The following PKP4 variants were observed in gnomAD, a reference collection of about 807,000 sequenced individuals.
PKP4 encodes plakophilin-4.
Under a neutral mutation model 145.1 loss-of-function variants are expected in PKP4, and 90 were observed. The ratio of observed to expected loss-of-function variants is 0.62; its 90% CI spans 0.52 to 0.74. The LOEUF (loss-of-function observed/expected upper bound fraction) is 0.74, where lower values mean the gene tolerates loss of function less well. PKP4 is among the 30% of genes least tolerant of loss of function. PKP4 has a pLI of 0.00. For synonymous variants in PKP4, 563 were observed against 577.2 expected (o/e 0.98, Z 0.35); for missense variants, 1,340 against 1,482.7 (o/e 0.90, Z 1.58).
chr2:158,622,914 C>T (rs1488070750), intron 6 of PKP4, among the ~76,000 whole-genome samples: 3 of 152,148 alleles, frequency 2.0e-5, no homozygotes, highest in African/African-American at 7.2e-5. Flanking sequence ...ACAGCAGTTA[C>T]CTTATATCTA....
At chr2:158,570,536 T>C (rs1392289551) in intron 2 of PKP4, among the ~76,000 whole-genome samples, 1 of 152,170 alleles carries the variant, frequency 6.6e-6, no homozygotes, top group Non-Finnish European at 1.5e-5. Flanking sequence ...CCAACAACAA[T>C]TGAAATAAAA....
intron 1 of PKP4, among the ~76,000 whole-genome samples, chr2:158,502,913 C>T (rs1322642596): frequency 6.6e-6 from 1 of 152,188 alleles, no homozygotes; most frequent in South Asian, 2.1e-4. Context: ...CACAAATCCT[C>T]GAGACTTTCT....
chr2:158,522,869 C>T (rs918621043), intron 1 of PKP4, among the ~76,000 whole-genome samples: 8 of 152,302 alleles, frequency 5.3e-5, no homozygotes, highest in South Asian at 2.1e-4. Flanking sequence ...AAAGGGGTGA[C>T]GGACGCACCT....
At chr2:158,596,516 A>G (rs1056902679) in intron 3 of PKP4, among the ~76,000 whole-genome samples, 19 of 152,124 alleles carry the variant, frequency 1.2e-4, no homozygotes, top group African/African-American at 4.6e-4. Context: ...TATTAATTAC[A>G]TCTATTTAAT....
At chr2:158,658,020 A>G in intron 11 of PKP4, 111 bp from the exon 12 acceptor site, 1 of 684,998 alleles carries the variant, frequency 1.5e-6, no homozygotes, top group South Asian at 1.8e-5. Flanking sequence ...TATAGGCCAT[A>G]GATTAGGTTT....
intron 2 of PKP4, among the ~76,000 whole-genome samples, chr2:158,557,296 T>C (rs2046181314): frequency 1.3e-5 from 2 of 152,158 alleles, no homozygotes; most frequent in African/African-American, 4.8e-5. Flanking sequence ...CATGAGTCTG[T>C]GTCAGATGTA....
chr2:158,518,493 C>T (rs1476483834), intron 1 of PKP4, among the ~76,000 whole-genome samples: 1 of 152,216 alleles, frequency 6.6e-6, no homozygotes, highest in Non-Finnish European at 1.5e-5. Flanking sequence ...CATATTTCTT[C>T]CCCCTGAGAT....
intron 1 of PKP4, among the ~76,000 whole-genome samples, chr2:158,523,599 T>C (rs2042645701): frequency 8.5e-6 from 1 of 117,534 alleles, no homozygotes; most frequent in Non-Finnish European, 1.7e-5. Context: ...AGGAACGCAG[T>C]TCCTCACCAG....
At chr2:158,588,432 G>T (rs1169626895) in intron 3 of PKP4, 1 of 152,016 alleles carries the variant, frequency 6.6e-6, no homozygotes, top group Non-Finnish European at 1.5e-5. Flanking sequence ...ATTACTGTTG[G>T]GGTTGAATAT....
chr2:158,662,764 G>A, intron 13 of PKP4, 133 bp from the exon 14 acceptor site: 1 of 650,998 alleles, frequency 1.5e-6, no homozygotes, highest in East Asian at 2.8e-5. Context: ...TCTTCAGATT[G>A]TTTCAAGTTC....
chr2:158,509,555 A>G (rs555425167), intron 1 of PKP4, among the ~76,000 whole-genome samples: 1 of 152,308 alleles, frequency 6.6e-6, no homozygotes, highest in Non-Finnish European at 1.5e-5. Flanking sequence ...GACTTTGTTA[A>G]CAGCTTTCTA....
chr2:158,508,768 G>A (rs2041237827), intron 1 of PKP4, among the ~76,000 whole-genome samples: 1 of 152,136 alleles, frequency 6.6e-6, no homozygotes, highest in Admixed American at 6.5e-5. Flanking sequence ...AGATGGTACT[G>A]TTGACACAGG....
chr2:158,585,595 T>C (rs1381113087), intron 3 of PKP4, among the ~76,000 whole-genome samples: 1 of 152,204 alleles, frequency 6.6e-6, no homozygotes, highest in African/African-American at 2.4e-5. Flanking sequence ...TCAAATAATG[T>C]ATTCTTTAGA....
chr2:158,495,882 A>G (rs923595123), intron 1 of PKP4, among the ~76,000 whole-genome samples: 5 of 150,940 alleles, frequency 3.3e-5, no homozygotes, highest in African/African-American at 1.2e-4. Context: ...AATAAATAAG[A>G]GGGGTATATA....
Position 158,639,321 on chromosome 2 carries a change from G to GGTGT in PKP4, c.1563-1288_1563-1285dup, listed in dbSNP as rs60771839. 5.1e-3 allele frequency among the ~76,000 whole-genome samples: 697 copies of GGTGT among 137,822 alleles called. 2 individuals are homozygous for GGTGT. Among genetic ancestry groups the GGTGT allele is most frequent in the South Asian group, 0.01 (47 of 4,660 alleles). The allele number at this position is 137,822 out of a possible 152,430, so 90.4% of individuals were successfully genotyped here. A position where few individuals can be genotyped will look rare whatever the true frequency, so the allele number is the denominator to read the frequency against. On this transcript the variant is annotated intron_variant, in intron 9 of 21. Transcript: ENST00000389759. ...GAATTCACTAACTGAACGCATGAGG[G>GGTGT]GTGTGTGTGTGTGTGTGTGTGCGTG...
At chr2:158,545,913 T>A (rs889748627) in intron 2 of PKP4, among the ~76,000 whole-genome samples, 2 of 152,210 alleles carry the variant, frequency 1.3e-5, no homozygotes, top group African/African-American at 4.8e-5. Context: ...TTTAAAAATA[T>A]TTCAAAATTG....
intron 4 of PKP4, among the ~76,000 whole-genome samples, chr2:158,612,524 A>G (rs1291592189): frequency 1.3e-5 from 2 of 152,184 alleles, no homozygotes; most frequent in African/African-American, 4.8e-5. Context: ...AAGGGTGTAT[A>G]CATTTTAATT....
intron 11 of PKP4, among the ~76,000 whole-genome samples, chr2:158,645,599 G>A (rs866501805): frequency 2.6e-5 from 4 of 152,194 alleles, no homozygotes; most frequent in Middle Eastern, 3.2e-3. Flanking sequence ...GAGCAGTGGC[G>A]ATCCAGGGAC....
At chr2:158,671,105 C>T (rs2711074) in intron 17 of PKP4, among the ~76,000 whole-genome samples, 90,943 of 151,882 alleles carry the variant, frequency 0.6, 27,854 homozygotes, top group East Asian at 0.78. Flanking sequence ...ATTTTTATTT[C>T]GGTTCACTGC....
Sources: gnomAD v4.1 joint callset for allele counts (sites outside exome capture counted in the v4.1 genomes callset) on GRCh38, gnomAD v4.1.1 for gene constraint, MANE v1.5 for transcripts, NCBI Gene and HGNC (gene_info 2026-07-23, HGNC 2026-07-21) for gene names.